OSBP2: variants seen among roughly 807,000 people sequenced by gnomAD.
OSBP2 encodes the protein oxysterol-binding protein 2.
Under a neutral mutation model 96.0 loss-of-function variants are expected in OSBP2, and 66 were observed. The observed-to-expected ratio is 0.69, with a 90% CI of 0.56 to 0.84. The LOEUF (loss-of-function observed/expected upper bound fraction) is 0.84. Among genes scored for constraint, OSBP2 ranks in the 40% least tolerant of loss-of-function variants. The pLI, the probability that OSBP2 is intolerant of heterozygous loss-of-function variation, is 0.00. For synonymous variants in OSBP2, 525 were observed against 520.9 expected, an observed-to-expected ratio of 1.01 and a Z score of -0.11; for missense variants, 1,038 against 1,222.7, an observed-to-expected ratio of 0.85 and a Z score of 2.25.
At chr22:30,730,737 T>A (rs2089741115) in intron 1 of OSBP2, among the ~76,000 whole-genome samples, 1 of 33,718 alleles carries the variant, frequency 3.0e-5, no homozygotes, top group African/African-American at 1.1e-4. Flanking sequence ...TCTCTCTCTC[T>A]CTCTCTCTCT....
chr22:30,700,436 G>A (rs1253581467), intron 1 of OSBP2, among the ~76,000 whole-genome samples: 1 of 151,974 alleles, frequency 6.6e-6, no homozygotes, highest in Non-Finnish European at 1.5e-5. Flanking sequence ...CAGGGAACAC[G>A]TGATTCCATA....
At chr22:30,734,886 C>G (rs909234502) in intron 1 of OSBP2, among the ~76,000 whole-genome samples, 2 of 152,104 alleles carry the variant, frequency 1.3e-5, no homozygotes, top group Non-Finnish European at 2.9e-5. Context: ...AAAGATAAAA[C>G]TGAAAAGTTA....
intron 2 of OSBP2, among the ~76,000 whole-genome samples, chr22:30,851,693 C>G (rs972573877): frequency 1.3e-5 from 2 of 151,892 alleles, no homozygotes; most frequent in African/African-American, 4.8e-5. Flanking sequence ...AATTTTATTC[C>G]TAAACCAGGA....
At chr22:30,743,254 C>T (rs367958988) in intron 2 of OSBP2, among the ~76,000 whole-genome samples, 33 of 152,304 alleles carry the variant, frequency 2.2e-4, no homozygotes, top group Middle Eastern at 3.4e-3. Flanking sequence ...TATGCCCCAT[C>T]CCTGTCTCCC....
At chr22:30,905,256 C>G (rs548519990) in intron 12 of OSBP2, among the ~76,000 whole-genome samples, 2 of 150,010 alleles carry the variant, frequency 1.3e-5, no homozygotes, top group Admixed American at 1.3e-4. Context: ...AAGCAATTCT[C>G]CCACCTCAGC....
Position 30,878,152 on chromosome 22 carries a change from C to T in OSBP2, c.1107+7470C>T, listed in dbSNP as rs532689397. Among the ~76,000 whole-genome samples, 4 of 152,342 alleles carry T rather than the reference C, an allele frequency of 2.6e-5. No individual in the cohort carries two copies. In the East Asian group the frequency reaches 7.7e-4, roughly 29 times the overall value. On this transcript the variant is annotated intron_variant, in intron 3 of 13. Transcript: ENST00000332585. ...GAGGCCAGTCACAAGGGACCTTGTG[C>T]TGACAGTGTTCTGCTTCCACTTGAA...
chr22:30,814,434 GTT>G (rs11453458), intron 2 of OSBP2, among the ~76,000 whole-genome samples: 168 of 140,600 alleles, frequency 1.2e-3, no homozygotes, highest in African/African-American at 3.8e-3. Flanking sequence ...ATCTCGTTGG[GTT>G]TTTTTTTTTT....
At position 30,902,142 on chromosome 22, in the gene OSBP2, A is replaced by AC. The variant is rs1457406842; in HGVS notation, c.2376-3695_2376-3694insC. 5.1e-4 allele frequency: 193 copies of AC among 375,904 alleles called. 4 individuals carry two copies. The highest frequency in any genetic ancestry group is 3.6e-3 in the East Asian group (86 of 23,744). The allele number at this position is 375,904 out of a possible 1,614,324, so 23.3% of individuals were successfully genotyped here. ...AAAAAAAACGAAAAAAAAAAAACCA[A>AC]AAAAAAAAAACAGAGGGTCCCACGG... On this transcript the variant is annotated intron_variant, in intron 12 of 13. Coordinates refer to ENST00000332585, the MANE Select transcript of OSBP2 (RefSeq NM_030758.4).
rs543314000 is a variant in OSBP2 at position 30,870,888 on chromosome 22, C to T, written c.1107+206C>T. On this transcript the variant is annotated intron_variant, in intron 3 of 13. Transcript: ENST00000332585. This position sits in a 1 kb window ranked among gnomAD's most constrained non-coding sequence, Gnocchi z 4.1. ...GCCGTCGTTGGGCAAGGACATTCTT[C>T]CTAATTGTCTGGAGGAAACGAGTTG... Among the ~76,000 whole-genome samples the T allele has an allele frequency of 5.1e-4, 78 of 152,310 alleles. No homozygotes were observed. The highest frequency in any genetic ancestry group is 2.1e-3 in the Admixed American group (32 of 15,304).
At chr22:30,828,220 T>TA (rs2038444420) in intron 2 of OSBP2, among the ~76,000 whole-genome samples, 1 of 152,120 alleles carries the variant, frequency 6.6e-6, no homozygotes, top group Non-Finnish European at 1.5e-5. Flanking sequence ...TGAAGAACAG[T>TA]AAATGGTAAA....
chr22:30,734,007 CT>C (rs1357795611), intron 1 of OSBP2, among the ~76,000 whole-genome samples: 4 of 151,982 alleles, frequency 2.6e-5, no homozygotes, highest in African/African-American at 9.7e-5. Context: ...CGGAGTTTAG[CT>C]CTGTCACCCA....
intron 2 of OSBP2, among the ~76,000 whole-genome samples, chr22:30,831,146 C>T (rs927048439): frequency 6.6e-6 from 1 of 152,198 alleles, no homozygotes; most frequent in African/African-American, 2.4e-5. Context: ...CCTCTAGCAG[C>T]CCCATCACCC....
At chr22:30,901,862 CCCCACAAAAAAAGATGAACAA>C (rs2147189536) in intron 12 of OSBP2, among the ~76,000 whole-genome samples, 1 of 151,894 alleles carries the variant, frequency 6.6e-6, no homozygotes, top group South Asian at 2.1e-4. Flanking sequence ...AATTCTGTCC[CCCCACAAAAAAAGATGAACAA>C]TCACATAGTC....
At chr22:30,738,668 C>A (rs1383701069) in intron 1 of OSBP2, among the ~76,000 whole-genome samples, 1 of 151,794 alleles carries the variant, frequency 6.6e-6, no homozygotes, top group Admixed American at 6.6e-5. Context: ...TCAAGTGATT[C>A]TCCTGCCTCA....
At chr22:30,854,860 C>T (rs2039049404) in intron 2 of OSBP2, among the ~76,000 whole-genome samples, 1 of 152,176 alleles carries the variant, frequency 6.6e-6, no homozygotes, top group Non-Finnish European at 1.5e-5. Flanking sequence ...AGTTGACTCA[C>T]AGTTCAGCAT....
chr22:30,708,910 G>A (rs1300291946), intron 1 of OSBP2, among the ~76,000 whole-genome samples: 23 of 151,678 alleles, frequency 1.5e-4, no homozygotes, highest in Non-Finnish European at 1.5e-5. Context: ...AGACCAGCCT[G>A]ACCAACATGG....
intron 2 of OSBP2, among the ~76,000 whole-genome samples, chr22:30,841,110 A>G (rs973527013): frequency 6.6e-6 from 1 of 152,162 alleles, no homozygotes; most frequent in South Asian, 2.1e-4. Context: ...GGCTGCAGTG[A>G]GCTGAGATTG....
At chr22:30,879,688 G>T (rs2039659658) in intron 3 of OSBP2, among the ~76,000 whole-genome samples, 1 of 152,248 alleles carries the variant, frequency 6.6e-6, no homozygotes, top group Non-Finnish European at 1.5e-5. Flanking sequence ...GGACACTTAA[G>T]ACCAGAATCG....
chr22:30,858,339 G>T (rs936367637), intron 2 of OSBP2, among the ~76,000 whole-genome samples: 1 of 150,534 alleles, frequency 6.6e-6, no homozygotes, highest in East Asian at 2.0e-4. Flanking sequence ...GTAGAGACGG[G>T]GTTTCACCTT....
Sources: gnomAD v4.1 joint callset for allele counts (sites outside exome capture counted in the v4.1 genomes callset) on GRCh38, gnomAD v4.1.1 for gene constraint, Gnocchi (gnomAD v3.1) non-coding constraint, MANE v1.5 for transcripts, NCBI Gene and HGNC (gene_info 2026-07-23, HGNC 2026-07-21) for gene names.